The following AHCTF1 variants were observed in gnomAD, a reference collection of about 807,000 sequenced individuals.
The protein encoded by AHCTF1 is AT-hook containing transcription factor 1, also known as protein ELYS.
A neutral mutation model predicts 248.4 loss-of-function variants in AHCTF1; 24 were observed. The observed-to-expected ratio is 0.10, with a 90% CI of 0.07 to 0.14. The LOEUF is 0.14. AHCTF1 is among the 10% of genes least tolerant of loss of function. The pLI is 1.00. For synonymous variants in AHCTF1, 786 were observed against 929.8 expected (o/e 0.85, Z 2.81); for missense variants, 2,206 against 2,636.2 (o/e 0.84, Z 3.57).
chr1:246,905,464 T>A, intron 6 of AHCTF1, 77 bp downstream of exon 6: 2 of 1,229,736 alleles, frequency 1.6e-6, no homozygotes, highest in South Asian at 2.5e-5. Flanking sequence ...GCCACTGCAC[T>A]CCAGCCTGGA....
At position 246,850,900 on chromosome 1, in the gene AHCTF1, T is replaced by C. The variant is rs1572361583; in HGVS notation, c.5106A>G (p.Gln1702=). The C allele has an allele frequency of 2.5e-6, 4 of 1,614,010 alleles. No individual in the cohort carries two copies. Among genetic ancestry groups the C allele is most frequent in the Non-Finnish European group, 2.5e-6 (3 of 1,179,872 alleles). The change falls in exon 33 of 36, where the codon CAA becomes CAG. Residue 1702 remains glutamine, a synonymous_variant. Coordinates refer to ENST00000648844, the MANE Select transcript of AHCTF1 (RefSeq NM_001323342.2). ...CCAATTTAGTGGGACACATTATGTT[T>C]TGGCTCACTAAAGGTATTGTTTCAT... ...SIHETIPLVS[Q]NIMCPTKLVK...
At chr1:246,916,760 A>C (rs1666179750) in intron 2 of AHCTF1, among the ~76,000 whole-genome samples, 2 of 152,222 alleles carry the variant, frequency 1.3e-5, no homozygotes, top group African/African-American at 4.8e-5. Context: ...TAAGGCAGCT[A>C]AACCTGAATA....
At chr1:246,860,658 T>C (rs1283192212) in intron 29 of AHCTF1, among the ~76,000 whole-genome samples, 1 of 152,168 alleles carries the variant, frequency 6.6e-6, no homozygotes, top group East Asian at 1.9e-4. Context: ...ACTCCCACCA[T>C]GCCTGGCTAA....
At chr1:246,919,478 C>T (rs1284211494) in intron 1 of AHCTF1, among the ~76,000 whole-genome samples, 4 of 150,440 alleles carry the variant, frequency 2.7e-5, no homozygotes, top group Non-Finnish European at 5.9e-5. Flanking sequence ...CTTTGGGAGG[C>T]TGAGGCAGGC....
chr1:246,884,902 T>TA (rs1663705183), intron 21 of AHCTF1, among the ~76,000 whole-genome samples: 2 of 151,914 alleles, frequency 1.3e-5, no homozygotes, highest in African/African-American at 4.8e-5. Context: ...AATATCAGAG[T>TA]ACCATTACTG....
chr1:246,930,586 TAAAAA>T (rs781552719), intron 1 of AHCTF1, among the ~76,000 whole-genome samples: 1 of 133,698 alleles, frequency 7.5e-6, no homozygotes, highest in African/African-American at 2.7e-5. Context: ...AAAAACAGTT[TAAAAA>T]AAAAAAAGGG....
chr1:246,867,450 T>C (rs1196569918), intron 25 of AHCTF1, 99 bp from the exon 26 acceptor site: 1 of 1,016,570 alleles, frequency 9.8e-7, no homozygotes, highest in Non-Finnish European at 1.4e-6. Context: ...TTTTACTTTG[T>C]ACAGTTCTGC....
rs1222612333 is a variant in AHCTF1 at position 246,867,751 on chromosome 1, G to A, written c.3149C>T (p.Thr1050Ile). Residue 1050 changes from threonine (T) to isoleucine (I), a missense_variant, in exon 25 of 36, where the codon ACA becomes ATA. Transcript: ENST00000648844. ...CACATTGTTGATGAAAACAGATCTT[G>A]TCAACACAGTTCCTGTTACAACTTG... ...PKQVVTGTVL[T>I]RSVFINNVLS... 1 of 1,612,148 alleles carries A rather than the reference G, an allele frequency of 6.2e-7. No homozygotes were observed. Among genetic ancestry groups the A allele is most frequent in the Non-Finnish European group, 8.5e-7 (1 of 1,178,854 alleles).
At chr1:246,918,429 T>C (rs999656500) in intron 1 of AHCTF1, 52 bp from the exon 2 acceptor site, 3 of 1,490,544 alleles carry the variant, frequency 2.0e-6, no homozygotes, top group Non-Finnish European at 2.7e-6. Context: ...GTAGACAATA[T>C]ACTTGATTAT....
At chr1:246,914,098 T>C (rs998977437) in intron 3 of AHCTF1, among the ~76,000 whole-genome samples, 1 of 152,216 alleles carries the variant, frequency 6.6e-6, no homozygotes, top group Non-Finnish European at 1.5e-5. Context: ...TATGGAGTCA[T>C]ATTTTTCCCC....
chr1:246,884,530 A>C (rs1663676051), intron 21 of AHCTF1, among the ~76,000 whole-genome samples: 1 of 152,224 alleles, frequency 6.6e-6, no homozygotes, highest in Non-Finnish European at 1.5e-5. Context: ...AACCAGTAAA[A>C]GTGGTATAAA....
At chr1:246,930,657 C>T (rs1667283180) in intron 1 of AHCTF1, among the ~76,000 whole-genome samples, 2 of 152,030 alleles carry the variant, frequency 1.3e-5, no homozygotes, top group African/African-American at 2.4e-5. Flanking sequence ...AAGCGATCCT[C>T]CCGCCTCAGC....
intron 14 of AHCTF1, 134 bp downstream of exon 14, chr1:246,894,525 G>C (rs1473460808): frequency 1.1e-5 from 8 of 740,988 alleles, no homozygotes; most frequent in African/African-American, 8.9e-5. Flanking sequence ...CCTGGCGACA[G>C]AGCAAGACTC....
At chr1:246,929,853 A>G (rs1572486711) in intron 1 of AHCTF1, among the ~76,000 whole-genome samples, 1 of 152,222 alleles carries the variant, frequency 6.6e-6, no homozygotes, top group Non-Finnish European at 1.5e-5. Flanking sequence ...GAAGTTCAAG[A>G]CCAGCCTGGC....
At chr1:246,909,885 A>G (rs775500195) in intron 4 of AHCTF1, among the ~76,000 whole-genome samples, 17 of 152,198 alleles carry the variant, frequency 1.1e-4, no homozygotes, top group Non-Finnish European at 2.1e-4. Context: ...CACCAGCAGT[A>G]ACAATCAAAA....
At chr1:246,846,459 T>C (rs377572505) in intron 33 of AHCTF1, among the ~76,000 whole-genome samples, 26 of 152,114 alleles carry the variant, frequency 1.7e-4, no homozygotes, top group African/African-American at 6.3e-4. Context: ...ACCACATTCA[T>C]TCTAGGAGGA....
At chr1:246,866,923 T>C (rs1662020149) in intron 26 of AHCTF1, among the ~76,000 whole-genome samples, 1 of 152,140 alleles carries the variant, frequency 6.6e-6, no homozygotes, top group Admixed American at 6.5e-5. Flanking sequence ...GATTAATCTG[T>C]AATTAAGTAT....
At chr1:246,868,839 GTTT>G in intron 24 of AHCTF1, among the ~76,000 whole-genome samples, 1 of 113,778 alleles carries the variant, frequency 8.8e-6, no homozygotes, top group Non-Finnish European at 1.6e-5. Context: ...TTGTGTGTGT[GTTT>G]TTTGTTTTTT....
chr1:246,898,621 AACACACACACACACACACACAC>A (rs74163703), intron 11 of AHCTF1, among the ~76,000 whole-genome samples: 24 of 147,088 alleles, frequency 1.6e-4, no homozygotes, highest in South Asian at 4.4e-4. Context: ...ATCTTGACAA[AACACACACACACACACACACAC>A]ACACACACAC....
Sources: gnomAD v4.1 joint callset for allele counts (sites outside exome capture counted in the v4.1 genomes callset) on GRCh38, gnomAD v4.1.1 for gene constraint, MANE v1.5 for transcripts, NCBI Gene and HGNC (gene_info 2026-07-23, HGNC 2026-07-21) for gene names.